ACTN1: variants seen among roughly 807,000 people sequenced by gnomAD.
ACTN1 encodes the protein actinin alpha 1.
A neutral mutation model predicts 119.6 loss-of-function variants in ACTN1; 30 were observed. The observed-to-expected ratio is 0.25, with a 90% CI of 0.19 to 0.34. ACTN1 has a LOEUF of 0.34. ACTN1 is among the 10% of genes least tolerant of loss of function. The probability of loss-of-function intolerance (pLI) is 1.00; values close to 1 mark genes in which losing one functional copy is unlikely to be tolerated. For synonymous variants in ACTN1, 429 were observed against 472.6 expected, an observed-to-expected ratio of 0.91 and a Z score of 1.20; for missense variants, 764 against 1,223.4, an observed-to-expected ratio of 0.62 and a Z score of 5.60.
In ACTN1 at chr14:68,878,956, C is replaced by G; in HGVS notation, c.2361+33G>C. On this transcript the variant is annotated intron_variant, in intron 19 of 21. Transcript: ENST00000394419. The surrounding 1 kb of genome is among the most constrained non-coding windows in gnomAD (Gnocchi z 4.4). ...GCATTATTTCTTGCCCCAGACGCCACCCCTGAGCGTGCTCCATGCAGGAGG... is the reference window on the plus strand; with the variant it reads ...GCATTATTTCTTGCCCCAGACGCCAGCCCTGAGCGTGCTCCATGCAGGAGG... The G allele has an allele frequency of 1.2e-6, 2 of 1,612,962 alleles. No individual in the cohort carries two copies. Among genetic ancestry groups the G allele is most frequent in the Non-Finnish European group, 1.7e-6 (2 of 1,179,768 alleles).
rs1355500109 is a variant in ACTN1 at position 68,878,635 on chromosome 14, T to C, written c.2362-112A>G. The C allele has an allele frequency of 1.3e-6, 2 of 1,561,718 alleles. No individual in the cohort carries two copies. The highest frequency in any genetic ancestry group is 1.9e-5 in the Admixed American group (1 of 52,068). On this transcript the variant is annotated intron_variant, in intron 19 of 21. Coordinates refer to ENST00000394419, the MANE Select transcript of ACTN1 (RefSeq NM_001130004.2). This position sits in a 1 kb window ranked among gnomAD's most constrained non-coding sequence, Gnocchi z 4.4. ...AGATGGCCAGAACGGGGATGAGATT[T>C]ATGGTTTTGGGGGTCAGGATAGGTA...
At chr14:68,947,914 A>G (rs574840154) in intron 1 of ACTN1, among the ~76,000 whole-genome samples, 9 of 152,346 alleles carry the variant, frequency 5.9e-5, no homozygotes, top group African/African-American at 2.2e-4. Flanking sequence ...AACACGGTGT[A>G]TCTGGAATGA....
Position 68,909,290 on chromosome 14 carries a change from A to G in ACTN1, c.594+28T>C. 3 of 1,611,118 alleles carry G rather than the reference A, an allele frequency of 1.9e-6. No homozygotes were observed. The highest frequency in any genetic ancestry group is 2.5e-6 in the Non-Finnish European group (3 of 1,177,854). On this transcript the variant is annotated intron_variant, in intron 6 of 21. Coordinates refer to ENST00000394419, the MANE Select transcript of ACTN1 (RefSeq NM_001130004.2). This position sits in a 1 kb window ranked among gnomAD's most constrained non-coding sequence, Gnocchi z 4.1. Reference sequence around the variant, plus strand: ...TCCCACCCCACCTGCCAGGGACCCAAAGCGGGTGGTCAGGTGGGCACACAT... The same window carrying G: ...TCCCACCCCACCTGCCAGGGACCCAGAGCGGGTGGTCAGGTGGGCACACAT...
chr14:68,927,454 C>G (rs2034988981), intron 1 of ACTN1, among the ~76,000 whole-genome samples: 1 of 152,220 alleles, frequency 6.6e-6, no homozygotes, highest in Admixed American at 6.5e-5. Context: ...CAGCAAAAGT[C>G]CCTGCCTCTG....
At chr14:68,881,936 C>CCTTTTTTT (rs2031552165) in intron 16 of ACTN1, among the ~76,000 whole-genome samples, 1 of 58,394 alleles carries the variant, frequency 1.7e-5, no homozygotes, top group African/African-American at 1.1e-4. Context: ...TAGGCAGCTT[C>CCTTTTTTT]TTTTTTTTTT....
At chr14:68,893,992 C>G (rs2140172197) in intron 8 of ACTN1, among the ~76,000 whole-genome samples, 1 of 152,132 alleles carries the variant, frequency 6.6e-6, no homozygotes, top group East Asian at 1.9e-4. Flanking sequence ...CCCTGGAGAA[C>G]AGCCTGAGTT....
At chr14:68,916,768 A>T (rs2034316722) in intron 3 of ACTN1, among the ~76,000 whole-genome samples, 1 of 152,228 alleles carries the variant, frequency 6.6e-6, no homozygotes, top group Non-Finnish European at 1.5e-5. Context: ...CAGCGTCTGT[A>T]ATGTAGACCT....
intron 12 of ACTN1, 80 bp from the exon 13 acceptor site, chr14:68,884,963 G>C: frequency 1.6e-6 from 2 of 1,245,804 alleles, no homozygotes; most frequent in Non-Finnish European, 2.3e-6. Flanking sequence ...GGCTGTCAGT[G>C]GGGTGGCTGG....
chr14:68,939,365 T>C (rs1301869660), intron 1 of ACTN1, among the ~76,000 whole-genome samples: 4 of 152,176 alleles, frequency 2.6e-5, no homozygotes, highest in African/African-American at 4.8e-5. Context: ...TGTCCAGTAC[T>C]TGCGACTGGG....
rs554806804 is a variant in ACTN1, at chr14:68,878,288, C to T, written c.2427+170G>A. 76 of 967,906 alleles carry T rather than the reference C, an allele frequency of 7.9e-5. No individual in the cohort carries two copies. In the East Asian group the frequency reaches 1.8e-3, roughly 23 times the overall value. 60.0% of individuals were successfully genotyped at this position (967,906 alleles called of 1,614,324 possible). On this transcript the variant is annotated intron_variant, in intron 20 of 21. Coordinates refer to ENST00000394419, the MANE Select transcript of ACTN1 (RefSeq NM_001130004.2). The surrounding 1 kb of genome is among the most constrained non-coding windows in gnomAD (Gnocchi z 4.4). The stretch of plus-strand genomic sequence containing the variant: ...TCCCGGATACACACACGCCCGTGGC[C>T]GGGCCGGCTTTCAGGGAGCCATCTT...
In ACTN1 at chr14:68,904,692, C is replaced by T. The variant is rs760358710; in HGVS notation, c.639G>A (p.Glu213=). ...TNLNTAFDVA[E]KYLDIPKMLD... ...GCATCTTGGGGATGTCCAGGTACTT[C>T]TCTGCCACGTCAAAAGCCGTATTCA... Residue 213 remains glutamate (E), a synonymous_variant, in exon 7 of 22, where the codon GAG becomes GAA. Coordinates refer to ENST00000394419, the MANE Select transcript of ACTN1 (RefSeq NM_001130004.2). The T allele has an allele frequency of 5.6e-6, 9 of 1,614,014 alleles. No individual in the cohort carries two copies. The highest frequency in any genetic ancestry group is 7.6e-6 in the Non-Finnish European group (9 of 1,179,998).
At chr14:68,944,244 A>G (rs1273008555) in intron 1 of ACTN1, among the ~76,000 whole-genome samples, 1 of 152,230 alleles carries the variant, frequency 6.6e-6, no homozygotes, top group Non-Finnish European at 1.5e-5. Context: ...GCCATTGAGA[A>G]AGACCGATGA....
chr14:68,887,290 G>T, intron 11 of ACTN1: 1 of 325,612 alleles, frequency 3.1e-6, no homozygotes, highest in Admixed American at 4.8e-5. Flanking sequence ...AGGAAAACAG[G>T]ACTACCACAA....
chr14:68,921,378 T>A (rs1304508365), intron 2 of ACTN1: 8 of 385,590 alleles, frequency 2.1e-5, no homozygotes, highest in Non-Finnish European at 3.7e-5. Flanking sequence ...CCACTCAACA[T>A]TTATTTATCG....
intron 8 of ACTN1, among the ~76,000 whole-genome samples, chr14:68,896,013 G>A (rs191753369): frequency 1.2e-4 from 18 of 152,276 alleles, no homozygotes; most frequent in Admixed American, 1.1e-3. Context: ...TCCAGAAGGA[G>A]ACTGACTGAG....
At chr14:68,928,139 TCTCA>T (rs1253273518) in intron 1 of ACTN1, among the ~76,000 whole-genome samples, 5 of 152,112 alleles carry the variant, frequency 3.3e-5, no homozygotes, top group African/African-American at 1.2e-4. Flanking sequence ...GGCTATAAAT[TCTCA>T]CTGTTTACTA....
intron 1 of ACTN1, chr14:68,936,522 C>T (rs559667482): frequency 0.018 from 4,586 of 254,786 alleles, 122 homozygotes; most frequent in Middle Eastern, 0.025. Context: ...TTTAAGTATG[C>T]AAATAAAAGA....
Position 68,884,801 on chromosome 14 carries a change from T to G in ACTN1, c.1468A>C (p.Thr490Pro). 1 of 1,614,096 alleles carries G rather than the reference T, an allele frequency of 6.2e-7. No individual in the cohort carries two copies. The highest frequency in any genetic ancestry group is 8.5e-7 in the Non-Finnish European group (1 of 1,179,922). ...CDQWDNLGAL[T>P]QKRREALERT... ...TCCAGAGCTTCCCTTCGCTTCTGAG[T>G]TAGGGCCCCCAGATTGTCCCACTGG... is the stretch of plus-strand genomic sequence containing the variant. The change falls in exon 13 of 22, where the codon ACT (threonine) becomes CCT (proline). Residue 490 changes from threonine (T) to proline (P), a missense_variant. Coordinates refer to ENST00000394419, the MANE Select transcript of ACTN1 (RefSeq NM_001130004.2).
Position 68,926,922 on chromosome 14 carries a change from G to T in ACTN1, c.106-1250C>A, listed in dbSNP as rs1258610356. ...CCTATGAACAAGAAAGGGAACAGGG[G>T]GACAGAAGCTATCCCTCCACACAGG... On this transcript the variant is annotated intron_variant, in intron 1 of 21. Transcript: ENST00000394419. Among the ~76,000 whole-genome samples, 3 of 152,108 alleles carry T rather than the reference G, an allele frequency of 2.0e-5. No individual in the cohort carries two copies. The East Asian group carries it at 5.8e-4, about 29-fold the overall frequency.
Sources: gnomAD v4.1 joint callset for allele counts (sites outside exome capture counted in the v4.1 genomes callset) on GRCh38, gnomAD v4.1.1 for gene constraint, Gnocchi (gnomAD v3.1) non-coding constraint, MANE v1.5 for transcripts, NCBI Gene and HGNC (gene_info 2026-07-23, HGNC 2026-07-21) for gene names.